Variants in SLC44A5 observed in about 807,000 individuals in gnomAD.
SLC44A5 encodes the protein solute carrier family 44 member 5, also known as choline transporter-like protein 5.
SLC44A5 carries 57 observed loss-of-function variants against 101.8 expected under a neutral mutation model. That is an observed-to-expected ratio of 0.56 (90% CI 0.45 to 0.70). SLC44A5 has a LOEUF of 0.70. Among genes scored for constraint, SLC44A5 ranks in the 30% least tolerant of loss-of-function variants. The pLI, the probability that SLC44A5 is intolerant of heterozygous loss-of-function variation, is 0.00. For missense variants in SLC44A5, 737 were observed against 853.1 expected, an observed-to-expected ratio of 0.86 and a Z score of 1.70; for synonymous variants, 281 against 290.9, an observed-to-expected ratio of 0.97 and a Z score of 0.35.
intron 11 of SLC44A5, among the ~76,000 whole-genome samples, chr1:75,236,243 C>G (rs1648066381): frequency 6.6e-6 from 1 of 151,980 alleles, no homozygotes; most frequent in Admixed American, 6.6e-5. Flanking sequence ...TTTAAAGGGC[C>G]TTAGAAGTAA....
chr1:75,493,454 C>G (rs755672321), intron 2 of SLC44A5, among the ~76,000 whole-genome samples: 1 of 151,858 alleles, frequency 6.6e-6, no homozygotes, highest in Non-Finnish European at 1.5e-5. Flanking sequence ...CAAGAACAAA[C>G]AGAATTGCAA....
At chr1:75,560,514 T>C (rs1672461802) in intron 1 of SLC44A5, among the ~76,000 whole-genome samples, 1 of 152,220 alleles carries the variant, frequency 6.6e-6, no homozygotes, top group Non-Finnish European at 1.5e-5. Flanking sequence ...ATTCTGGTGA[T>C]AGTTGCACAA....
chr1:75,260,030 G>C (rs554528784), intron 6 of SLC44A5, among the ~76,000 whole-genome samples: 1 of 152,062 alleles, frequency 6.6e-6, no homozygotes, highest in East Asian at 1.9e-4. Flanking sequence ...TGAAGGAAGC[G>C]CTAAACATGG....
intron 6 of SLC44A5, among the ~76,000 whole-genome samples, chr1:75,271,497 T>TTTTGTGTGTGTGTGTGTGTGTGTG (rs1553152601): frequency 1.4e-5 from 2 of 146,304 alleles, no homozygotes; most frequent in Non-Finnish European, 3.0e-5. Context: ...TCTGCATGTT[T>TTTTGTGTGTGTGTGTGTGTGTGTG]TGTGTGTGTG....
intron 2 of SLC44A5, among the ~76,000 whole-genome samples, chr1:75,507,464 G>T (rs1212854776): frequency 6.6e-6 from 1 of 152,114 alleles, no homozygotes; most frequent in Admixed American, 6.6e-5. Flanking sequence ...ATTTTGTTGA[G>T]AATTTTTTTG....
the SLC44A5 span, among the ~76,000 whole-genome samples, chr1:75,687,448 C>T: frequency 8.7e-4 from 132 of 152,142 alleles, no homozygotes; most frequent in African/African-American, 3.0e-3. Flanking sequence ...GGATTACAGG[C>T]GCCCACCAAC....
At chr1:75,309,242 G>A (rs1328191737) in intron 4 of SLC44A5, among the ~76,000 whole-genome samples, 1 of 152,126 alleles carries the variant, frequency 6.6e-6, no homozygotes, top group Non-Finnish European at 1.5e-5. Context: ...CTAGGAGTTT[G>A]AAACCAGCCT....
At chr1:75,217,072 T>A (rs1376767535) in intron 18 of SLC44A5, among the ~76,000 whole-genome samples, 7 of 152,116 alleles carry the variant, frequency 4.6e-5, no homozygotes, top group South Asian at 2.1e-4. Context: ...CTAAGAGTTT[T>A]ATAGTTTTTG....
At chr1:75,699,441 C>G in the SLC44A5 span, among the ~76,000 whole-genome samples, 2 of 151,940 alleles carry the variant, frequency 1.3e-5, no homozygotes, top group South Asian at 2.1e-4. Flanking sequence ...ACTTTACAGA[C>G]AAGCAAATGC....
chr1:75,224,352 A>G (rs992944568), intron 13 of SLC44A5, among the ~76,000 whole-genome samples: 1 of 152,200 alleles, frequency 6.6e-6, no homozygotes, highest in South Asian at 2.1e-4. Context: ...GTTATTTCAG[A>G]GTGTACTCCC....
chr1:75,583,367 A>G (rs936513280), intron 1 of SLC44A5, among the ~76,000 whole-genome samples: 9 of 152,162 alleles, frequency 5.9e-5, no homozygotes, highest in African/African-American at 9.7e-5. Flanking sequence ...GAGACTCTCA[A>G]CAAGTTCCTA....
intron 1 of SLC44A5, among the ~76,000 whole-genome samples, chr1:75,551,594 C>A (rs1671941228): frequency 6.6e-6 from 1 of 151,938 alleles, no homozygotes; most frequent in South Asian, 2.1e-4. Flanking sequence ...TAAGTTTGGT[C>A]AGAAGGGATC....
At chr1:75,237,800 C>G (rs764831298) in intron 10 of SLC44A5, among the ~76,000 whole-genome samples, 1 of 152,110 alleles carries the variant, frequency 6.6e-6, no homozygotes, top group South Asian at 2.1e-4. Context: ...CTATTGTATT[C>G]TAAATCTGCA....
intron 2 of SLC44A5, among the ~76,000 whole-genome samples, chr1:75,539,747 C>A (rs1671251235): frequency 1.3e-5 from 2 of 152,066 alleles, no homozygotes; most frequent in South Asian, 4.1e-4. Context: ...AGCTACTTGA[C>A]AATAAATGGA....
the SLC44A5 span, among the ~76,000 whole-genome samples, chr1:75,692,963 G>A: frequency 1.7e-4 from 26 of 152,260 alleles, no homozygotes; most frequent in East Asian, 4.8e-3. Context: ...GGAAAAAGGG[G>A]CAAGACTGTT....
intron 3 of SLC44A5, among the ~76,000 whole-genome samples, chr1:75,375,785 C>A (rs141397296): frequency 6.6e-6 from 1 of 152,262 alleles, no homozygotes; most frequent in East Asian, 1.9e-4. Flanking sequence ...CAATTTTTCC[C>A]GAACAAGCAA....
intron 2 of SLC44A5, among the ~76,000 whole-genome samples, chr1:75,408,004 C>T (rs1384940471): frequency 2.0e-5 from 3 of 152,096 alleles, no homozygotes; most frequent in Non-Finnish European, 4.4e-5. Flanking sequence ...GAAACTTACA[C>T]AAATTTAGAA....
intron 2 of SLC44A5, among the ~76,000 whole-genome samples, chr1:75,413,512 G>A (rs1663416281): frequency 6.6e-6 from 1 of 152,108 alleles, no homozygotes; most frequent in South Asian, 2.1e-4. Flanking sequence ...TTTGATACCA[G>A]TTTTTCTATT....
At chr1:75,444,682 T>C (rs1253521829) in intron 2 of SLC44A5, among the ~76,000 whole-genome samples, 1 of 151,650 alleles carries the variant, frequency 6.6e-6, no homozygotes, top group Non-Finnish European at 1.5e-5. Context: ...AGCAGGATGA[T>C]TATAAGAACA....
Sources: allele counts gnomAD v4.1 joint callset (sites outside exome capture counted in the v4.1 genomes callset), GRCh38; gene constraint gnomAD v4.1.1; transcripts MANE v1.5; gene names NCBI Gene and HGNC (gene_info 2026-07-23, HGNC 2026-07-21).